Variants in LMAN1 observed in about 807,000 individuals in gnomAD.
The protein encoded by LMAN1 is protein ERGIC-53.
Under a neutral mutation model 67.8 loss-of-function variants are expected in LMAN1, and 32 were observed. The observed-to-expected ratio is 0.47, with a 90% confidence interval of 0.36 to 0.63. The LOEUF (loss-of-function observed/expected upper bound fraction) is 0.63. LMAN1 is among the 30% of genes least tolerant of loss of function. The probability of loss-of-function intolerance (pLI) is 0.00; values close to 1 mark genes in which losing one functional copy is unlikely to be tolerated. For missense variants in LMAN1, 632 were observed against 628.2 expected (o/e 1.01, Z -0.06); for synonymous variants, 235 against 219.3 (o/e 1.07, Z -0.63).
At chr18:59,349,006 C>T (rs989879353) in intron 6 of LMAN1, 107 bp downstream of exon 6, 2 of 1,326,394 alleles carry the variant, frequency 1.5e-6, no homozygotes, top group East Asian at 2.3e-5. Context: ...AAGTTCCAAA[C>T]AGTCTTAAAA....
chr18:59,354,647 C>G, intron 3 of LMAN1, 67 bp from the exon 4 acceptor site: 1 of 795,468 alleles, frequency 1.3e-6, no homozygotes, highest in Non-Finnish European at 2.1e-6. Flanking sequence ...TCTTGATGTA[C>G]TATGAAGTGA....
Position 59,353,236 on chromosome 18 carries a change from C to A in LMAN1, c.605G>T (p.Arg202Leu). 1 of 1,613,940 alleles carries A rather than the reference C, an allele frequency of 6.2e-7. No individual in the cohort carries two copies. The highest frequency in any genetic ancestry group is 1.1e-5 in the South Asian group (1 of 91,062). ...RDFRNKPYPV[R>L]AKITYYQNTL... ...GTTCTGGTAATAGGTAATCTTTGCT[C>A]GGACAGGATAGGGTTTGTTGCGGAA... The change falls in exon 5 of 13, where the codon CGA becomes CTA. Residue 202 changes from arginine to leucine, a missense_variant. Transcript: ENST00000251047.
intron 1 of LMAN1, among the ~76,000 whole-genome samples, chr18:59,356,373 T>G (rs965687685): frequency 6.6e-6 from 1 of 152,214 alleles, no homozygotes; most frequent in African/African-American, 2.4e-5. Flanking sequence ...GGCAAGTTAC[T>G]CCATTTCTTG....
At chr18:59,336,116 T>C (rs41344850) in intron 10 of LMAN1, among the ~76,000 whole-genome samples, 1 of 152,208 alleles carries the variant, frequency 6.6e-6, no homozygotes, top group Non-Finnish European at 1.5e-5. Flanking sequence ...GACACGGAAC[T>C]ACAGACTCAT....
At chr18:59,338,977 G>A in intron 8 of LMAN1, 24 bp from the exon 9 acceptor site, 2 of 1,596,348 alleles carry the variant, frequency 1.3e-6, no homozygotes, top group Non-Finnish European at 1.7e-6. Flanking sequence ...AAATAAAAAT[G>A]ATCAGAGTCA....
At chr18:59,337,858 G>C (rs988580973) in intron 10 of LMAN1, among the ~76,000 whole-genome samples, 1 of 152,162 alleles carries the variant, frequency 6.6e-6, no homozygotes, top group African/African-American at 2.4e-5. Flanking sequence ...CAGTCCTAAA[G>C]AACTCACCTT....
chr18:59,358,375 T>C (rs1908709529), intron 1 of LMAN1, among the ~76,000 whole-genome samples: 1 of 152,210 alleles, frequency 6.6e-6, no homozygotes, highest in Non-Finnish European at 1.5e-5. Context: ...CATAATGTGT[T>C]ACTACGAGAG....
intron 10 of LMAN1, among the ~76,000 whole-genome samples, chr18:59,335,158 G>A (rs1234834476): frequency 6.6e-6 from 1 of 152,192 alleles, no homozygotes; most frequent in Non-Finnish European, 1.5e-5. Context: ...TATGGGCTGG[G>A]TGCAGTGGCT....
chr18:59,339,906 C>T (rs1047096916), intron 8 of LMAN1, among the ~76,000 whole-genome samples: 2 of 152,096 alleles, frequency 1.3e-5, no homozygotes, highest in Non-Finnish European at 2.9e-5. Context: ...AGGGTTGTGC[C>T]CCACCCTCAG....
chr18:59,348,200 C>G (rs1908463121), intron 6 of LMAN1, among the ~76,000 whole-genome samples: 1 of 152,242 alleles, frequency 6.6e-6, no homozygotes, highest in Non-Finnish European at 1.5e-5. Flanking sequence ...AATACCAATC[C>G]TGGCTAGTCA....
intron 8 of LMAN1, among the ~76,000 whole-genome samples, chr18:59,343,054 TAA>T (rs34207759): frequency 5.0e-5 from 6 of 121,034 alleles, no homozygotes; most frequent in Admixed American, 8.7e-5. Flanking sequence ...TTACAACAGC[TAA>T]AAAAAAAAAA....
chr18:59,332,292 T>C (rs2070752400), intron 11 of LMAN1, among the ~76,000 whole-genome samples: 1 of 152,064 alleles, frequency 6.6e-6, no homozygotes. Flanking sequence ...CAGATAATAA[T>C]GCTTTGGATG....
rs1357505680 is a variant in LMAN1 at position 59,349,370 on chromosome 18, G to A, written c.640-134C>T. On this transcript the variant is annotated intron_variant, in intron 5 of 12. Transcript: ENST00000251047. ...TAATTTTAAATAACGTTTCCTACTT[G>A]GTGTCAATATACAATATATTTTACT... 3 of 815,524 alleles carry A rather than the reference G, an allele frequency of 3.7e-6. No individual in the cohort carries two copies. The African/African-American group carries it at 5.2e-5, about 14-fold the overall frequency. 50.5% of individuals were successfully genotyped at this position (815,524 alleles called of 1,614,324 possible).
intron 8 of LMAN1, 116 bp from the exon 9 acceptor site, chr18:59,339,069 G>T: frequency 1.3e-6 from 1 of 744,512 alleles, no homozygotes; most frequent in Non-Finnish European, 2.4e-6. Context: ...CCATCACAGT[G>T]GTACAATCTC....
chr18:59,353,188 T>C lies in LMAN1; in HGVS notation c.639+14A>G, dbSNP rs779494996. On this transcript the variant is annotated intron_variant, in intron 5 of 12. Transcript: ENST00000251047. ...CATTGTTTATTTGATTCTCTCTAAA[T>C]AGATGTTACTTACTGTCAGTGTGTT... 11 of 1,575,554 alleles carry C rather than the reference T, an allele frequency of 7.0e-6. No homozygotes were observed. Among genetic ancestry groups the C allele is most frequent in the South Asian group, 3.3e-5 (3 of 90,300 alleles).
chr18:59,350,533 C>T (rs1028592192), intron 5 of LMAN1, among the ~76,000 whole-genome samples: 7 of 152,150 alleles, frequency 4.6e-5, no homozygotes, highest in Non-Finnish European at 8.8e-5. Flanking sequence ...CTCGCTCTGT[C>T]GCCCAGGCTG....
intron 5 of LMAN1, 147 bp from the exon 6 acceptor site, chr18:59,349,383 A>T (rs764445327): frequency 3.2e-4 from 231 of 728,362 alleles, no homozygotes; most frequent in Non-Finnish European, 4.7e-4. Flanking sequence ...GTCAATATAC[A>T]ATATATTTTA....
chr18:59,349,397 A>T (rs1908492725), intron 5 of LMAN1, among the ~76,000 whole-genome samples, 161 bp from the exon 6 acceptor site: 1 of 152,184 alleles, frequency 6.6e-6, no homozygotes, highest in African/African-American at 2.4e-5. Flanking sequence ...TATTTTACTT[A>T]AAAAAATGAG....
intron 11 of LMAN1, among the ~76,000 whole-genome samples, chr18:59,331,957 T>A (rs1356391606): frequency 1.3e-5 from 2 of 152,194 alleles, no homozygotes; most frequent in Non-Finnish European, 2.9e-5. Context: ...ACCCTACCAA[T>A]GAACTACTTG....
Sources: allele counts gnomAD v4.1 joint callset (sites outside exome capture counted in the v4.1 genomes callset), GRCh38; gene constraint gnomAD v4.1.1; transcripts MANE v1.5; gene names NCBI Gene and HGNC (gene_info 2026-07-23, HGNC 2026-07-21).